The following OIT3 variants were observed in gnomAD, a reference collection of about 807,000 sequenced individuals.
The protein encoded by OIT3 is oncoprotein-induced transcript 3 protein.
A neutral mutation model predicts 52.2 loss-of-function variants in OIT3; 41 were observed. The observed-to-expected ratio is 0.79, with a 90% CI of 0.61 to 1.02. OIT3 has a LOEUF of 1.02. Ranked by LOEUF, OIT3 falls within the 50% of genes least tolerant of loss-of-function variation. OIT3 has a pLI of 0.00. For synonymous variants in OIT3, 244 were observed against 276.9 expected, an observed-to-expected ratio of 0.88 and a Z score of 1.18; for missense variants, 634 against 715.5, an observed-to-expected ratio of 0.89 and a Z score of 1.30.
At chr10:72,899,556 A>G (rs1287499647) in intron 2 of OIT3, among the ~76,000 whole-genome samples, 1 of 150,626 alleles carries the variant, frequency 6.6e-6, no homozygotes, top group South Asian at 2.1e-4. Flanking sequence ...AAATCGTGCC[A>G]TTGCACTCCA....
At chr10:72,900,973 T>C (rs1050849542) in intron 3 of OIT3, among the ~76,000 whole-genome samples, 1 of 151,820 alleles carries the variant, frequency 6.6e-6, no homozygotes, top group African/African-American at 2.4e-5. Context: ...GAGGCTGAGG[T>C]GGGAGGATCA....
chr10:72,902,564 A>G (rs1316800880), intron 3 of OIT3, among the ~76,000 whole-genome samples: 3 of 152,210 alleles, frequency 2.0e-5, no homozygotes, highest in Admixed American at 1.3e-4. Flanking sequence ...GTAAAGGCAT[A>G]CCCAAGCCTG....
At position 72,911,859 on chromosome 10, in the gene OIT3, G is replaced by C. The variant is rs751893795; in HGVS notation, c.790+20G>C. ...GCCAAGGTAGTACATGGGGCAGGGG[G>C]ACTTGTCTCTACTCTGATTACACTT... On this transcript the variant is annotated intron_variant, in intron 5 of 8. Coordinates refer to ENST00000334011, the MANE Select transcript of OIT3 (RefSeq NM_152635.3). 6.2e-7 allele frequency: 1 copy of C among 1,604,628 alleles called. No individual in the cohort carries two copies. The highest frequency in any genetic ancestry group is 1.1e-5 in the South Asian group (1 of 89,626).
Position 72,930,488 on chromosome 10 carries a change from C to A in OIT3, c.1368-50C>A, listed in dbSNP as rs371598858. On this transcript the variant is annotated intron_variant, in intron 7 of 8. Transcript: ENST00000334011. ...AAAATGTTGGGTTAGATTGTTTTTCCACCTCTGTTGAAACAATCAAGTCTT... is the reference window on the plus strand; with the variant it reads ...AAAATGTTGGGTTAGATTGTTTTTCAACCTCTGTTGAAACAATCAAGTCTT... The A allele has an allele frequency of 1.2e-5, 17 of 1,363,258 alleles. No individual in the cohort carries two copies. In the East Asian group the frequency reaches 1.6e-4, roughly 13 times the overall value. 84.4% of individuals were successfully genotyped at this position (1,363,258 alleles called of 1,614,324 possible). A position where few individuals can be genotyped will look rare whatever the true frequency, so the allele number is the denominator to read the frequency against.
intron 7 of OIT3, among the ~76,000 whole-genome samples, chr10:72,929,558 A>G (rs998533361): frequency 6.6e-6 from 1 of 150,838 alleles, no homozygotes; most frequent in South Asian, 2.1e-4. Flanking sequence ...TTACAGAGGC[A>G]TACCACCACA....
At chr10:72,918,990 T>A (rs1846098851) in intron 6 of OIT3, among the ~76,000 whole-genome samples, 1 of 152,284 alleles carries the variant, frequency 6.6e-6, no homozygotes, top group East Asian at 1.9e-4. Context: ...TTAAAATAGA[T>A]TTTTCTGCAA....
intron 8 of OIT3, 94 bp downstream of exon 8, chr10:72,930,731 T>G: frequency 1.3e-6 from 1 of 756,648 alleles, no homozygotes; most frequent in Non-Finnish European, 2.2e-6. Flanking sequence ...AAGAGCCCAC[T>G]GGTGGGATCT....
At chr10:72,925,115 C>CAAA (rs751143274) in intron 7 of OIT3, among the ~76,000 whole-genome samples, 10 of 37,994 alleles carry the variant, frequency 2.6e-4, no homozygotes, top group African/African-American at 3.6e-4. Flanking sequence ...CCTAAAATCT[C>CAAA]AAAAAAAAAA....
intron 7 of OIT3, among the ~76,000 whole-genome samples, chr10:72,926,735 A>G (rs1846172798): frequency 6.6e-6 from 1 of 152,182 alleles, no homozygotes; most frequent in Non-Finnish European, 1.5e-5. Flanking sequence ...TGCTAAGGTG[A>G]TTTCTAAAAA....
At position 72,899,011 on chromosome 10, in the gene OIT3, A is replaced by G; in HGVS notation, c.409A>G (p.Ser137Gly). The change falls in exon 2 of 9, where the codon AGC becomes GGC. Residue 137 changes from serine to glycine, a missense_variant. Transcript: ENST00000334011. Reference protein sequence around the residue: ...GYYVYRLTKPSVCFHVYCGHF... With the variant: ...GYYVYRLTKPGVCFHVYCGHF... ...CTATGTGTATCGTCTGACCAAGCCCAGCGTCTGCTTCCACGTCTACTGTGG... is the reference window on the plus strand; with the variant it reads ...CTATGTGTATCGTCTGACCAAGCCCGGCGTCTGCTTCCACGTCTACTGTGG... The G allele has an allele frequency of 6.2e-7, 1 of 1,611,698 alleles. No individual in the cohort carries two copies. The highest frequency in any genetic ancestry group is 8.5e-7 in the Non-Finnish European group (1 of 1,178,148).
intron 4 of OIT3, among the ~76,000 whole-genome samples, chr10:72,910,084 A>G (rs565034781): frequency 3.9e-5 from 6 of 152,354 alleles, no homozygotes; most frequent in Non-Finnish European, 7.3e-5. Context: ...AAATATTTTA[A>G]GCTAATTTAA....
At position 72,912,695 on chromosome 10, in the gene OIT3, G is replaced by A. The variant is rs1846039804; in HGVS notation, c.791-613G>A. On this transcript the variant is annotated intron_variant, in intron 5 of 8. Coordinates refer to ENST00000334011, the MANE Select transcript of OIT3 (RefSeq NM_152635.3). ...GATATGTCTTCATGTATTGGACTCT[G>A]ACAGAACTCAAGTATTCTTTTCAGG... Among the ~76,000 whole-genome samples, 3 of 152,236 alleles carry A rather than the reference G, an allele frequency of 2.0e-5. No homozygotes were observed. The South Asian group carries it at 6.2e-4, about 32-fold the overall frequency.
Position 72,913,310 on chromosome 10 carries a change from C to A in OIT3, c.793C>A (p.Pro265Thr). The A allele has an allele frequency of 6.3e-7, 1 of 1,599,480 alleles. No homozygotes were observed. Among genetic ancestry groups the A allele is most frequent in the Non-Finnish European group, 8.6e-7 (1 of 1,168,640 alleles). Residue 265 changes from proline to threonine, a missense_variant and splice_region_variant, in exon 6 of 9, where the codon CCT (proline) becomes ACT (threonine). By Grantham distance (38) the Pro-to-Thr change is conservative. Transcript: ENST00000334011. Reference sequence around the variant, plus strand: ...ACAGTGGCCCTTTTTCTCTGCAGTCCCTGTGTTGTGCAAATCAAATGCCAT... The same window carrying A: ...ACAGTGGCCCTTTTTCTCTGCAGTCACTGTGTTGTGCAAATCAAATGCCAT... ...LSEDNHTCQV[P>T]VLCKSNAIEV...
chr10:72,931,870 G>GAAC lies in OIT3; in HGVS notation c.1468-480_1468-478dup, dbSNP rs1356505791. ...CCATCCCAGCTATACCATGGTTACA[G>GAAC]AACAACTGCTAACAATGATGGCTGA... is the stretch of plus-strand genomic sequence containing the variant. On this transcript the variant is annotated intron_variant, in intron 8 of 8. Coordinates refer to ENST00000334011, the MANE Select transcript of OIT3 (RefSeq NM_152635.3). Among the ~76,000 whole-genome samples the GAAC allele has an allele frequency of 2.0e-5, 3 of 152,304 alleles. No individual in the cohort carries two copies. In the East Asian group the frequency reaches 5.8e-4, roughly 29 times the overall value.
chr10:72,903,908 G>C (rs546415392), intron 3 of OIT3, among the ~76,000 whole-genome samples: 1 of 152,112 alleles, frequency 6.6e-6, no homozygotes, highest in Admixed American at 6.5e-5. Flanking sequence ...TCCTAAGGGA[G>C]GAGACCACCC....
At chr10:72,925,989 G>A (rs115625592) in intron 7 of OIT3, among the ~76,000 whole-genome samples, 1,764 of 152,360 alleles carry the variant, frequency 0.012, 32 homozygotes, top group African/African-American at 0.04. Flanking sequence ...CTGAGGTACT[G>A]ATGGAGACCT....
chr10:72,923,181 C>T (rs1373478171), intron 6 of OIT3, among the ~76,000 whole-genome samples: 1 of 152,086 alleles, frequency 6.6e-6, no homozygotes, highest in Non-Finnish European at 1.5e-5. Context: ...CTGGCCTTTC[C>T]CCCCGGCATT....
At chr10:72,918,020 TTCATCG>T (rs1353171251) in intron 6 of OIT3, 1 of 826,610 alleles carries the variant, frequency 1.2e-6, no homozygotes, top group Non-Finnish European at 2.1e-6. Context: ...CTTCATCTTC[TTCATCG>T]TCATCATCAT....
chr10:72,918,026 G>GTCATCATCA (rs368236923), intron 6 of OIT3: 10 of 818,206 alleles, frequency 1.2e-5, no homozygotes, highest in Non-Finnish European at 4.2e-6. Context: ...CTTCTTCATC[G>GTCATCATCA]TCATCATCAT....
Sources: allele counts gnomAD v4.1 joint callset (sites outside exome capture counted in the v4.1 genomes callset), GRCh38; gene constraint gnomAD v4.1.1; transcripts MANE v1.5; gene names NCBI Gene and HGNC (gene_info 2026-07-23, HGNC 2026-07-21).